Variants in CEP112 observed in about 807,000 individuals in gnomAD.
CEP112 encodes centrosomal protein of 112 kDa.
A neutral mutation model predicts 153.0 loss-of-function variants in CEP112; 127 were observed. That is an observed-to-expected ratio of 0.83 (90% CI 0.72 to 0.96). The LOEUF is 0.96. Among genes scored for constraint, CEP112 ranks in the 40% least tolerant of loss-of-function variants. The pLI is 0.00. For missense variants in CEP112, 1,089 were observed against 1,101.2 expected, an observed-to-expected ratio of 0.99 and a Z score of 0.16; for synonymous variants, 358 against 374.4, an observed-to-expected ratio of 0.96 and a Z score of 0.51.
intron 18 of CEP112, among the ~76,000 whole-genome samples, chr17:65,930,308 T>C (rs2061074969): frequency 6.6e-6 from 1 of 152,222 alleles, no homozygotes; most frequent in South Asian, 2.1e-4. Context: ...TTCAATGCAT[T>C]TATTCAGACA....
intron 17 of CEP112, among the ~76,000 whole-genome samples, chr17:65,976,814 C>T (rs2063053981): frequency 6.8e-6 from 1 of 147,990 alleles, no homozygotes; most frequent in Non-Finnish European, 1.5e-5. Context: ...TCTCAGCTCA[C>T]TGCAACCTCC....
chr17:65,981,478 T>C (rs914009079), intron 17 of CEP112, among the ~76,000 whole-genome samples: 1 of 152,242 alleles, frequency 6.6e-6, no homozygotes, highest in African/African-American at 2.4e-5. Context: ...TCCTTTAAAA[T>C]TTAACACACA....
rs187096528 is a variant in CEP112 at position 66,053,751 on chromosome 17, C to A, written c.1203G>T (p.Ala401=). ...AAAGACTCACTGTGGACTGTGTTTG[C>A]GCCATGTATTCACTCTCCATTTTAT... is the stretch of plus-strand genomic sequence containing the variant. ...RLNKMESEYM[A]QTQSTNHMIK... Residue 401 remains alanine (A), a synonymous_variant, in exon 12 of 27, where the codon GCG becomes GCT. Transcript: ENST00000535342. The A allele has an allele frequency of 5.0e-6, 8 of 1,612,412 alleles. No homozygotes were observed. The South Asian group carries it at 8.8e-5, about 18-fold the overall frequency.
intron 18 of CEP112, among the ~76,000 whole-genome samples, chr17:65,930,232 T>C (rs1033969250): frequency 6.0e-4 from 91 of 152,330 alleles, no homozygotes; most frequent in African/African-American, 2.1e-3. Flanking sequence ...GACACGAATA[T>C]TGGAGGAAAT....
At chr17:66,015,511 G>A (rs1046760715) in intron 16 of CEP112, among the ~76,000 whole-genome samples, 1 of 152,146 alleles carries the variant, frequency 6.6e-6, no homozygotes, top group African/African-American at 2.4e-5. Context: ...ATTCAAAAAT[G>A]TCATTCTGTT....
At chr17:65,905,285 A>G (rs960181701) in intron 19 of CEP112, among the ~76,000 whole-genome samples, 58 of 152,158 alleles carry the variant, frequency 3.8e-4, no homozygotes, top group African/African-American at 1.4e-3. Context: ...CAAATAGTGG[A>G]TGAAGGATAT....
chr17:66,129,741 T>A lies in CEP112; in HGVS notation c.642+5A>T. ...TATATACATAAAGCAAATACTTTTT[T>A]TTACCCCAAGATTCCAACTATTAAG... On this transcript the variant is annotated splice_donor_5th_base_variant and intron_variant, in intron 6 of 26. Coordinates refer to ENST00000535342, the MANE Select transcript of CEP112 (RefSeq NM_001199165.4). 1 of 1,600,238 alleles carries A rather than the reference T, an allele frequency of 6.2e-7. No homozygotes were observed. Among genetic ancestry groups the A allele is most frequent in the Admixed American group, 1.7e-5 (1 of 59,026 alleles).
intron 4 of CEP112, among the ~76,000 whole-genome samples, chr17:66,170,827 T>C (rs768692305): frequency 3.3e-5 from 5 of 151,778 alleles, no homozygotes; most frequent in African/African-American, 7.3e-5. Context: ...GTAACAGATA[T>C]ATAATAGCAA....
At chr17:66,058,018 A>T (rs2066766676) in intron 11 of CEP112, among the ~76,000 whole-genome samples, 2 of 151,912 alleles carry the variant, frequency 1.3e-5, no homozygotes, top group Admixed American at 1.3e-4. Flanking sequence ...GCTTGAATCC[A>T]GGAGGCAAAG....
chr17:65,722,635 T>C (rs910686591), intron 23 of CEP112, among the ~76,000 whole-genome samples: 1 of 152,326 alleles, frequency 6.6e-6, no homozygotes, highest in South Asian at 2.1e-4. Flanking sequence ...TCAGCTGGTA[T>C]AAAAGAAAAC....
At chr17:66,033,835 C>T (rs1855337557) in intron 12 of CEP112, among the ~76,000 whole-genome samples, 1 of 152,226 alleles carries the variant, frequency 6.6e-6, no homozygotes, top group Non-Finnish European at 1.5e-5. Flanking sequence ...TTCTTTCTAG[C>T]ACACTGCTTA....
intron 24 of CEP112, among the ~76,000 whole-genome samples, chr17:65,683,605 C>T (rs1435586489): frequency 6.6e-6 from 1 of 152,218 alleles, no homozygotes; most frequent in Admixed American, 6.5e-5. Context: ...GTGCCACACA[C>T]TGCCTAGGCA....
chr17:65,819,477 C>T (rs1205394975), intron 21 of CEP112, among the ~76,000 whole-genome samples: 15 of 151,872 alleles, frequency 9.9e-5, no homozygotes, highest in Admixed American at 9.8e-4. Flanking sequence ...AATTAGTGAA[C>T]AAAAGTCTAA....
chr17:66,088,675 C>A (rs2068029590), intron 8 of CEP112, among the ~76,000 whole-genome samples: 1 of 152,202 alleles, frequency 6.6e-6, no homozygotes, highest in Non-Finnish European at 1.5e-5. Flanking sequence ...TCCATATTAA[C>A]CCCTGTGGTC....
intron 21 of CEP112, among the ~76,000 whole-genome samples, chr17:65,798,239 T>C (rs1003968332): frequency 6.6e-6 from 1 of 152,144 alleles, no homozygotes; most frequent in Non-Finnish European, 1.5e-5. Flanking sequence ...TCCAGGTATT[T>C]AGTCATAAAA....
chr17:65,718,165 C>T (rs896237047), intron 23 of CEP112, among the ~76,000 whole-genome samples: 5 of 151,878 alleles, frequency 3.3e-5, no homozygotes, highest in Non-Finnish European at 5.9e-5. Flanking sequence ...CAGCTTTTTG[C>T]GAGGCTGAGG....
At chr17:66,155,761 A>G (rs2071412747) in intron 4 of CEP112, among the ~76,000 whole-genome samples, 1 of 152,084 alleles carries the variant, frequency 6.6e-6, no homozygotes, top group Non-Finnish European at 1.5e-5. Context: ...TTCCCCTCAC[A>G]ATGGGCAAGT....
intron 23 of CEP112, among the ~76,000 whole-genome samples, chr17:65,716,232 T>C (rs892779653): frequency 6.6e-6 from 1 of 151,924 alleles, no homozygotes; most frequent in South Asian, 2.1e-4. Flanking sequence ...TCTCGGCTCA[T>C]TGCAACCTCC....
chr17:65,670,014 A>T (rs2046902816), intron 24 of CEP112, among the ~76,000 whole-genome samples: 2 of 151,732 alleles, frequency 1.3e-5, no homozygotes, highest in African/African-American at 2.4e-5. Flanking sequence ...CAGGAAAAAG[A>T]CTCTCTTATT....
Sources: gnomAD v4.1 joint callset for allele counts (sites outside exome capture counted in the v4.1 genomes callset) on GRCh38, gnomAD v4.1.1 for gene constraint, MANE v1.5 for transcripts, NCBI Gene and HGNC (gene_info 2026-07-23, HGNC 2026-07-21) for gene names.